The following SCAF11 variants were observed in gnomAD, a reference collection of about 807,000 sequenced individuals.
SCAF11 encodes SR-related CTD associated factor 11.
In SCAF11, 47 loss-of-function variants were observed where a neutral mutation model predicts 140.5. The observed-to-expected ratio is 0.33, with a 90% CI of 0.26 to 0.43. SCAF11 has a LOEUF of 0.43. Ranked by LOEUF, SCAF11 falls within the 20% of genes least tolerant of loss-of-function variation. The pLI, the probability that SCAF11 is intolerant of heterozygous loss-of-function variation, is 1.00. For synonymous variants in SCAF11, 557 were observed against 579.4 expected (o/e 0.96, Z 0.55); for missense variants, 1,645 against 1,705.1 (o/e 0.96, Z 0.62).
intron 6 of SCAF11, among the ~76,000 whole-genome samples, chr12:45,937,390 T>A (rs1373405239): frequency 6.6e-6 from 1 of 152,222 alleles, no homozygotes; most frequent in Non-Finnish European, 1.5e-5. Context: ...TTAAGTTTTT[T>A]AAAGTTATTC....
At position 45,927,347 on chromosome 12, in the gene SCAF11, T is replaced by C; in HGVS notation, c.2354A>G (p.Lys785Arg). The change falls in exon 11 of 15, where the codon AAA becomes AGA. Residue 785 changes from lysine to arginine, a missense_variant. Lys to Arg is a conservative substitution (Grantham distance 26, BLOSUM62 2). This residue lies in a region of SCAF11 where 1,582 missense variants were observed against 1,609.2 expected (regional missense o/e 0.98). Coordinates refer to ENST00000369367, the MANE Select transcript of SCAF11 (RefSeq NM_004719.3). Reference protein sequence around the residue: ...ESPKDTIDKTKKPRTRRSRFH... With the variant: ...ESPKDTIDKTRKPRTRRSRFH... ...TCTAGATCTTCGAGTACGAGGCTTT[T>C]TGGTTTTATCTATGGTATCTTTTGG... 1 of 1,614,158 alleles carries C rather than the reference T, an allele frequency of 6.2e-7. No homozygotes were observed. The highest frequency in any genetic ancestry group is 8.5e-7 in the Non-Finnish European group (1 of 1,180,016).
At chr12:45,930,686 A>G (rs1945022608) in intron 10 of SCAF11, among the ~76,000 whole-genome samples, 1 of 152,066 alleles carries the variant, frequency 6.6e-6, no homozygotes, top group South Asian at 2.1e-4. Context: ...TACATTTCTT[A>G]TGACTGCAAA....
intron 4 of SCAF11, among the ~76,000 whole-genome samples, chr12:45,950,134 A>G (rs1945515867): frequency 6.6e-6 from 1 of 152,174 alleles, no homozygotes; most frequent in Non-Finnish European, 1.5e-5. Flanking sequence ...CGCAGAAAAC[A>G]AACCATGGAA....
At chr12:45,973,981 C>T (rs561307024) in intron 1 of SCAF11, among the ~76,000 whole-genome samples, 5 of 152,236 alleles carry the variant, frequency 3.3e-5, no homozygotes, top group Admixed American at 6.5e-5. Flanking sequence ...ATATTTATAA[C>T]ACTTTCTGAT....
chr12:45,949,417 T>C (rs1009391528), intron 4 of SCAF11, among the ~76,000 whole-genome samples: 1 of 152,178 alleles, frequency 6.6e-6, no homozygotes, highest in Non-Finnish European at 1.5e-5. Context: ...ATTAGATATA[T>C]TGGATTAAAA....
At chr12:45,967,921 T>C (rs1328414659) in intron 1 of SCAF11, among the ~76,000 whole-genome samples, 2 of 152,236 alleles carry the variant, frequency 1.3e-5, no homozygotes, top group Admixed American at 6.5e-5. Context: ...ACAAGTATTT[T>C]TGAATAAAAG....
At position 45,927,452 on chromosome 12, in the gene SCAF11, G is replaced by A. The variant is rs757602313; in HGVS notation, c.2249C>T (p.Thr750Ile). Residue 750 changes from threonine to isoleucine, a missense_variant, in exon 11 of 15, where the codon ACA (threonine) becomes ATA (isoleucine). Coordinates refer to ENST00000369367, the MANE Select transcript of SCAF11 (RefSeq NM_004719.3). ...CGGCATATTATTTTCAGAACAGTGT[G>A]TCACAGAATTTTCATTCATTTGTTT... ...DLKQMNENSV[T>I]HCSENNMPSS... 25 of 1,613,396 alleles carry A rather than the reference G, an allele frequency of 1.5e-5. No individual in the cohort carries two copies. The South Asian group carries it at 2.5e-4, about 16-fold the overall frequency.
At position 45,922,467 on chromosome 12, in the gene SCAF11, T is replaced by G. The variant is rs1373328369; in HGVS notation, c.4241A>C (p.Asp1414Ala). 1 of 1,601,296 alleles carries G rather than the reference T, an allele frequency of 6.2e-7. No homozygotes were observed. The highest frequency in any genetic ancestry group is 1.8e-5 in the Admixed American group (1 of 55,678). The change falls in exon 14 of 15, where the codon GAT (aspartate) becomes GCT (alanine). Residue 1414 changes from aspartate (D) to alanine (A), a missense_variant. By Grantham distance (126) the Asp-to-Ala change is moderately radical. This residue lies in a region of SCAF11 where 63 missense variants were observed against 95.9 expected (regional missense o/e 0.66). Transcript: ENST00000369367. The stretch of plus-strand genomic sequence containing the variant: ...TCCACTAAAGCCATAACTTACTTTA[T>G]CTACTGCTTTCCGTACAATTTCTTT... ...EYKEIVRKAV[D>A]KVCHSKSGEV...
At chr12:45,946,767 T>C (rs925728059) in intron 5 of SCAF11, among the ~76,000 whole-genome samples, 9 of 152,212 alleles carry the variant, frequency 5.9e-5, no homozygotes, top group South Asian at 2.1e-4. Flanking sequence ...TATTATCTAC[T>C]ATGTAAATAC....
chr12:45,937,023 G>T (rs1017992657), intron 6 of SCAF11, among the ~76,000 whole-genome samples: 3 of 152,024 alleles, frequency 2.0e-5, no homozygotes. Flanking sequence ...CAGACTTCTA[G>T]AACTTTATGA....
At chr12:45,940,684 C>T (rs758327687) in intron 6 of SCAF11, among the ~76,000 whole-genome samples, 9 of 152,190 alleles carry the variant, frequency 5.9e-5, no homozygotes, top group East Asian at 1.9e-4. Context: ...GCTTCCCATC[C>T]TTTTGGAATA....
intron 3 of SCAF11, among the ~76,000 whole-genome samples, chr12:45,958,673 T>C (rs1450878319): frequency 6.6e-6 from 1 of 152,198 alleles, no homozygotes; most frequent in Non-Finnish European, 1.5e-5. Flanking sequence ...TTAATTTCAA[T>C]TTGTTCTAGT....
Position 45,930,455 on chromosome 12 carries a change from TG to T in SCAF11, c.841+1050del, listed in dbSNP as rs1440676607. Among the ~76,000 whole-genome samples the T allele has an allele frequency of 6.9e-4, 102 of 147,780 alleles. 8 individuals are homozygous for T. Among genetic ancestry groups the T allele is most frequent in the African/African-American group, 2.4e-3 (93 of 39,230 alleles). ...TTTGCGTTGTGTTTTGTTTTTTTTT[TG>T]TTTTTTTTTTTTTTTGAGACAGGCT... On this transcript the variant is annotated intron_variant, in intron 10 of 14. Transcript: ENST00000369367.
chr12:45,982,500 A>T (rs1306100598), intron 1 of SCAF11, among the ~76,000 whole-genome samples: 1 of 152,166 alleles, frequency 6.6e-6, no homozygotes, highest in Non-Finnish European at 1.5e-5. Flanking sequence ...TGAGGTCAGG[A>T]GTTCGAGATC....
intron 1 of SCAF11, among the ~76,000 whole-genome samples, chr12:45,987,308 A>G (rs1405941089): frequency 6.6e-6 from 1 of 152,250 alleles, no homozygotes; most frequent in Non-Finnish European, 1.5e-5. Flanking sequence ...ATGCATGGAT[A>G]TAAGTAACTT....
intron 3 of SCAF11, chr12:45,961,210 A>G (rs1945817137): frequency 1.5e-6 from 1 of 665,124 alleles, no homozygotes; most frequent in Non-Finnish European, 2.8e-6. Flanking sequence ...AAGTCATAGA[A>G]CATAAAATCC....
intron 1 of SCAF11, among the ~76,000 whole-genome samples, chr12:45,965,115 C>T (rs553458504): frequency 6.6e-6 from 1 of 152,194 alleles, no homozygotes; most frequent in Admixed American, 6.5e-5. Flanking sequence ...TAATGATTGA[C>T]TGAGAACCTT....
intron 9 of SCAF11, 74 bp downstream of exon 9, chr12:45,933,057 T>C (rs75704343): frequency 0.063 from 61,055 of 970,880 alleles, 2,377 homozygotes; most frequent in Admixed American, 0.1. Context: ...TAAGGTACCC[T>C]TGTACTTAAG....
rs1944675661 is a variant in SCAF11, at chr12:45,920,253, A to G, written c.*1795T>C. 1 of 152,210 alleles carries G rather than the reference A, an allele frequency of 6.6e-6. No individual in the cohort carries two copies. Among genetic ancestry groups the G allele is most frequent in the East Asian group, 1.9e-4 (1 of 5,204 alleles). The allele number at this position is 152,210 out of a possible 1,614,324, so 9.4% of individuals were successfully genotyped here. On this transcript the variant is annotated 3_prime_UTR_variant, in exon 15 of 15. Transcript: ENST00000369367. The stretch of plus-strand genomic sequence containing the variant: ...CTAGCACAATCATTATGGGACCAAC[A>G]TTTCAAAATATTTTGCCTATCAAAG...
Sources: gnomAD v4.1 joint callset for allele counts (sites outside exome capture counted in the v4.1 genomes callset) on GRCh38, gnomAD v4.1.1 for gene constraint, gnomAD v4.1.1 regional missense constraint, MANE v1.5 for transcripts, NCBI Gene and HGNC (gene_info 2026-07-23, HGNC 2026-07-21) for gene names.